Variants in ZNF584 observed in about 807,000 individuals in gnomAD.
The protein encoded by ZNF584 is zinc finger protein 584.
Under a neutral mutation model 14.7 loss-of-function variants are expected in ZNF584, and 12 were observed. The ratio of observed to expected loss-of-function variants is 0.82; its 90% CI spans 0.52 to 1.32. The LOEUF is 1.32. ZNF584 is among the 40% of genes most tolerant of loss of function. The pLI, the probability that ZNF584 is intolerant of heterozygous loss-of-function variation, is 0.00. For missense variants in ZNF584, 478 were observed against 518.8 expected, an observed-to-expected ratio of 0.92 and a Z score of 0.76; for synonymous variants, 204 against 190.9, an observed-to-expected ratio of 1.07 and a Z score of -0.57.
In ZNF584 at chr19:58,416,854, T is replaced by A. The variant is rs368874921; in HGVS notation, c.336T>A (p.His112Gln). The change falls in exon 4 of 4, where the codon CAT (histidine) becomes CAA (glutamine). Residue 112 changes from histidine (H) to glutamine (Q), a missense_variant. His to Gln is a conservative substitution (Grantham distance 24, BLOSUM62 0). Transcript: ENST00000306910. Reference protein sequence around the residue: ...RVEDERAHPEHLKSYRVIQHQ... With the variant: ...RVEDERAHPEQLKSYRVIQHQ... ...AGGATGAGAGAGCCCATCCTGAGCA[T>A]CTAAAGAGCTACAGAGTCATCCAGC... 15 of 1,583,768 alleles carry A rather than the reference T, an allele frequency of 9.5e-6. No homozygotes were observed. The highest frequency in any genetic ancestry group is 1.4e-5 in the African/African-American group (1 of 73,630).
chr19:58,410,609 A>G (rs1313170227), intron 2 of ZNF584, among the ~76,000 whole-genome samples: 2 of 43,534 alleles, frequency 4.6e-5, no homozygotes, highest in African/African-American at 4.9e-4. Flanking sequence ...ATATGTATAT[A>G]TATGTGTATA....
chr19:58,410,763 G>GTA (rs1371996176), intron 2 of ZNF584, among the ~76,000 whole-genome samples: 3 of 20,918 alleles, frequency 1.4e-4, no homozygotes, highest in South Asian at 1.2e-3. Context: ...ATATATATAT[G>GTA]TATATATATA....
At chr19:58,415,439 C>T (rs930279875) in intron 2 of ZNF584, 85 bp from the exon 3 acceptor site, 34 of 1,505,308 alleles carry the variant, frequency 2.3e-5, no homozygotes, top group Non-Finnish European at 3.0e-5. Context: ...TTTAAGTGAT[C>T]TCCTACCTCA....
chr19:58,416,808 C>T lies in ZNF584; in HGVS notation c.293-3C>T, dbSNP rs780584549. On this transcript the variant is annotated splice_region_variant and splice_polypyrimidine_tract_variant and intron_variant, in intron 3 of 3. Coordinates refer to ENST00000306910, the MANE Select transcript of ZNF584 (RefSeq NM_173548.3). ...CTTAGTAATGATTCATCTCTGCTTT[C>T]AGATGGTTTGTGTAGAGTGGAGGAT... The T allele has an allele frequency of 2.1e-5, 32 of 1,530,264 alleles. No individual in the cohort carries two copies. In the South Asian group the frequency reaches 4.2e-4, roughly 20 times the overall value. 94.8% of individuals were successfully genotyped at this position (1,530,264 alleles called of 1,614,324 possible).
upstream of ZNF584, chr19:58,404,774 C>T (rs1215064764): frequency 5.3e-4 from 106 of 199,204 alleles, 2 homozygotes; most frequent in Admixed American, 6.7e-4. Context: ...GGGTGGTGGC[C>T]GGGCAGAGGG....
chr19:58,407,731 C>T (rs759784593), upstream of ZNF584, among the ~76,000 whole-genome samples: 2 of 152,188 alleles, frequency 1.3e-5, no homozygotes, highest in African/African-American at 2.4e-5. Flanking sequence ...GAACTCCGTT[C>T]GTCCGGGAGG....
chr19:58,414,917 GA>G (rs2052621032), intron 2 of ZNF584, among the ~76,000 whole-genome samples: 1 of 151,814 alleles, frequency 6.6e-6, no homozygotes, highest in African/African-American at 2.4e-5. Context: ...TTTTGAGACA[GA>G]GTCTCGCACT....
At chr19:58,416,601 C>T (rs1201593744) in intron 3 of ZNF584, 5 of 440,820 alleles carry the variant, frequency 1.1e-5, no homozygotes, top group South Asian at 6.7e-5. Context: ...GGGGTTTCGT[C>T]GTGTTGGTCA....
chr19:58,412,728 A>C (rs2052592564), intron 2 of ZNF584, among the ~76,000 whole-genome samples: 1 of 152,122 alleles, frequency 6.6e-6, no homozygotes, highest in African/African-American at 2.4e-5. Flanking sequence ...ATTGGTGTTA[A>C]TTCTTATTTC....
upstream of ZNF584, chr19:58,407,017 C>T (rs999761835): frequency 6.6e-6 from 1 of 152,484 alleles, no homozygotes; most frequent in Non-Finnish European, 1.5e-5. Flanking sequence ...GAGAAAGGGA[C>T]ACAGCGGGGC....
intron 2 of ZNF584, among the ~76,000 whole-genome samples, chr19:58,412,199 C>CTTTTTTTTTTTTTTTTTTTT (rs35188048): frequency 1.1e-4 from 9 of 83,932 alleles, no homozygotes; most frequent in African/African-American, 5.3e-4. Context: ...CCAGGGTGGT[C>CTTTTTTTTTTTTTTTTTTTT]TTTTTTTTTT....
chr19:58,414,868 G>T (rs1048712161), intron 2 of ZNF584, among the ~76,000 whole-genome samples: 2 of 146,852 alleles, frequency 1.4e-5, no homozygotes, highest in Non-Finnish European at 3.1e-5. Flanking sequence ...TTGCTTCATA[G>T]AAAGGCTTTT....
intron 3 of ZNF584, chr19:58,415,885 T>C (rs1208440526): frequency 6.3e-7 from 1 of 1,599,258 alleles, no homozygotes; most frequent in Non-Finnish European, 8.5e-7. Flanking sequence ...TGTGCAGAGC[T>C]GTCTACTGTT....
At chr19:58,403,193 G>A (rs2052442827) in intron 1 of ZNF584, among the ~76,000 whole-genome samples, 1 of 152,208 alleles carries the variant, frequency 6.6e-6, no homozygotes, top group Non-Finnish European at 1.5e-5. Flanking sequence ...CAAATGAGTT[G>A]AGAACTTATG....
chr19:58,409,835 A>T, intron 1 of ZNF584, 106 bp from the exon 2 acceptor site: 2 of 1,353,758 alleles, frequency 1.5e-6, no homozygotes, highest in East Asian at 4.6e-5. Context: ...GGGAAAGATA[A>T]TGTCAGGGGG....
At chr19:58,407,933 C>T (rs1376296860), upstream of ZNF584, among the ~76,000 whole-genome samples, 1 of 152,208 alleles carries the variant, frequency 6.6e-6, no homozygotes. Flanking sequence ...ATGGGGTAGA[C>T]TACAAGCCTA....
At position 58,410,541 on chromosome 19, in the gene ZNF584, A is replaced by G. The variant is rs181731417; in HGVS notation, c.169+450A>G. Among the ~76,000 whole-genome samples, 115 of 43,720 alleles carry G rather than the reference A, an allele frequency of 2.6e-3. 16 individuals carry two copies. The highest frequency in any genetic ancestry group is 0.015 in the Middle Eastern group (2 of 136). The allele number at this position is 43,720 out of a possible 152,430, so 28.7% of individuals were successfully genotyped here. A position where few individuals can be genotyped will look rare whatever the true frequency, so the allele number is the denominator to read the frequency against. ...GAAATATATATATATATATATATAT[A>G]TATATATATATATATATGTGTATAT... On this transcript the variant is annotated intron_variant, in intron 2 of 3. Transcript: ENST00000306910.
chr19:58,409,843 G>C, intron 1 of ZNF584, 98 bp from the exon 2 acceptor site: 1 of 1,417,254 alleles, frequency 7.1e-7, no homozygotes, highest in Non-Finnish European at 1.0e-6. Context: ...TAATGTCAGG[G>C]GGAGATGTGA....
At chr19:58,410,543 A>AATTTTTTTTTTTTTTTTTTTTTT (rs1568584349) in intron 2 of ZNF584, among the ~76,000 whole-genome samples, 1 of 23,160 alleles carries the variant, frequency 4.3e-5, no homozygotes, top group African/African-American at 2.5e-4. Flanking sequence ...ATATATATAT[A>AATTTTTTTTTTTTTTTTTTTTTT]TATATATATA....
Sources: gnomAD v4.1 joint callset for allele counts (sites outside exome capture counted in the v4.1 genomes callset) on GRCh38, gnomAD v4.1.1 for gene constraint, MANE v1.5 for transcripts, NCBI Gene and HGNC (gene_info 2026-07-23, HGNC 2026-07-21) for gene names.